Variants in TTBK2 observed in about 807,000 individuals in gnomAD.
TTBK2 encodes the protein tau-tubulin kinase 2.
In TTBK2, 28 loss-of-function variants were observed where a neutral mutation model predicts 110.8. The ratio of observed to expected loss-of-function variants is 0.25; its 90% CI spans 0.19 to 0.35. The LOEUF (loss-of-function observed/expected upper bound fraction) is 0.35, where lower values mean the gene tolerates loss of function less well. Among genes scored for constraint, TTBK2 ranks in the 10% least tolerant of loss-of-function variants. TTBK2 has a pLI of 1.00. For synonymous variants in TTBK2, 532 were observed against 527.3 expected, an observed-to-expected ratio of 1.01 and a Z score of -0.12; for missense variants, 1,369 against 1,500.3, an observed-to-expected ratio of 0.91 and a Z score of 1.45.
chr15:42,784,835 G>C (rs889611468), intron 10 of TTBK2, among the ~76,000 whole-genome samples: 1 of 152,142 alleles, frequency 6.6e-6, no homozygotes, highest in Non-Finnish European at 1.5e-5. Context: ...GAGCTGGCAG[G>C]CTCTGACTGG....
chr15:42,919,088 C>T (rs1162950514), intron 1 of TTBK2, among the ~76,000 whole-genome samples: 1 of 152,120 alleles, frequency 6.6e-6, no homozygotes, highest in East Asian at 1.9e-4. Context: ...CTTCATATGT[C>T]CCCTTCGGTG....
chr15:42,906,188 C>CA (rs556069009), intron 1 of TTBK2, among the ~76,000 whole-genome samples: 1,697 of 139,690 alleles, frequency 0.012, 23 homozygotes, highest in East Asian at 0.061. Context: ...AACTCCATCT[C>CA]AAAAAAAAAA....
chr15:42,774,071 T>C (rs1171978785), intron 13 of TTBK2, among the ~76,000 whole-genome samples: 1 of 152,226 alleles, frequency 6.6e-6, no homozygotes, highest in African/African-American at 2.4e-5. Context: ...GGCAGGCCTT[T>C]ATTTCCCTAT....
intron 3 of TTBK2, among the ~76,000 whole-genome samples, chr15:42,845,366 G>A (rs1893405256): frequency 1.3e-5 from 2 of 151,964 alleles, no homozygotes; most frequent in African/African-American, 4.8e-5. Context: ...TCAAGTCTCT[G>A]ATAAAAAATG....
At chr15:42,782,555 G>T (rs1262511240) in intron 11 of TTBK2, among the ~76,000 whole-genome samples, 1 of 152,160 alleles carries the variant, frequency 6.6e-6, no homozygotes, top group African/African-American at 2.4e-5. Flanking sequence ...CTCCTTAAAG[G>T]TAAAAGATGT....
chr15:42,815,529 T>C (rs574483721), intron 7 of TTBK2, among the ~76,000 whole-genome samples: 15 of 151,970 alleles, frequency 9.9e-5, no homozygotes, highest in Non-Finnish European at 1.9e-4. Context: ...TCCATAAAAA[T>C]GCCCAGTTTT....
intron 4 of TTBK2, among the ~76,000 whole-genome samples, chr15:42,837,255 G>A (rs896087517): frequency 2.5e-4 from 38 of 151,730 alleles, no homozygotes; most frequent in African/African-American, 9.2e-4. Flanking sequence ...CTACACCGGA[G>A]GCTGAGGCAG....
intron 13 of TTBK2, among the ~76,000 whole-genome samples, chr15:42,771,118 G>A (rs1163707917): frequency 1.3e-5 from 2 of 151,934 alleles, no homozygotes; most frequent in East Asian, 1.9e-4. Context: ...GGGATTATAG[G>A]TGCTGCCACC....
At chr15:42,833,699 C>T (rs1892869763) in intron 4 of TTBK2, among the ~76,000 whole-genome samples, 3 of 151,820 alleles carry the variant, frequency 2.0e-5, no homozygotes, top group Admixed American at 2.0e-4. Context: ...ATACTGAGAC[C>T]TCATCACTAC....
At chr15:42,820,479 T>C (rs1207803060) in intron 6 of TTBK2, among the ~76,000 whole-genome samples, 1 of 152,178 alleles carries the variant, frequency 6.6e-6, no homozygotes, top group East Asian at 1.9e-4. Context: ...TTTATCAAAA[T>C]TGTAAATGCA....
chr15:42,757,816 CTTCTG>C lies in TTBK2; in HGVS notation c.1999-4574_1999-4570del, dbSNP rs1318889863. Among the ~76,000 whole-genome samples, 13 of 152,304 alleles carry C rather than the reference CTTCTG, an allele frequency of 8.5e-5. No individual in the cohort carries two copies. The East Asian group carries it at 2.5e-3, about 29-fold the overall frequency. On this transcript the variant is annotated intron_variant, in intron 13 of 14. Transcript: ENST00000267890. ...ATGGCATTAATCAATCATTTCCTTT[CTTCTG>C]TTCTGTAATTGTACCATGTACATCC...
chr15:42,867,451 T>G (rs967756578), intron 3 of TTBK2, among the ~76,000 whole-genome samples: 4 of 152,160 alleles, frequency 2.6e-5, no homozygotes, highest in Admixed American at 1.3e-4. Flanking sequence ...GATAAAAGAC[T>G]GATATCCAAA....
At chr15:42,851,563 T>C (rs550901477) in intron 3 of TTBK2, among the ~76,000 whole-genome samples, 9 of 152,282 alleles carry the variant, frequency 5.9e-5, no homozygotes, top group African/African-American at 1.9e-4. Context: ...CAGAACAGCA[T>C]ATATAGTTTG....
At position 42,828,304 on chromosome 15, in the gene TTBK2, G is replaced by A. The variant is rs190490391; in HGVS notation, c.433-272C>T. ...ACATTAACTAGACTTGGAACTCTAA[G>A]TTCTTGAAATTCTAGTCTAAGTTAA... On this transcript the variant is annotated intron_variant, in intron 5 of 14. Coordinates refer to ENST00000267890, the MANE Select transcript of TTBK2 (RefSeq NM_173500.4). 2.2e-4 allele frequency among the ~76,000 whole-genome samples: 33 copies of A among 150,496 alleles called. No individual in the cohort carries two copies. In the East Asian group the frequency reaches 5.8e-3, roughly 26 times the overall value.
chr15:42,775,462 C>T lies in TTBK2; in HGVS notation c.1671G>A (p.Lys557=), dbSNP rs374669500. The change falls in exon 13 of 15, where the codon AAG becomes AAA. Residue 557 remains lysine, a synonymous_variant. Transcript: ENST00000267890. ...TCCTAAAATCCTGAAGGTCCTGCTC[C>T]TTGTCCACAATCACCCATTCTTTGG... The part of the protein sequence containing the change: ...IDSKEWVIVD[K]EQDLQDFRTN... The T allele has an allele frequency of 3.7e-6, 6 of 1,614,108 alleles. No individual in the cohort carries two copies. The African/African-American group carries it at 8.0e-5, about 22-fold the overall frequency.
In TTBK2 at chr15:42,798,680, T is replaced by C. The variant is rs1447545845; in HGVS notation, c.823-3879A>G. Among the ~76,000 whole-genome samples the C allele has an allele frequency of 6.6e-5, 10 of 152,368 alleles. No individual in the cohort carries two copies. The East Asian group carries it at 1.9e-3, about 29-fold the overall frequency. On this transcript the variant is annotated intron_variant, in intron 9 of 14. Coordinates refer to ENST00000267890, the MANE Select transcript of TTBK2 (RefSeq NM_173500.4). ...ATACAAAGAAATTTTGGACTTATGG[T>C]TGATACTGTAAGGCTATTCCCAGAC...
At chr15:42,816,087 T>TAA (rs1225591142) in intron 7 of TTBK2, among the ~76,000 whole-genome samples, 2,287 of 37,332 alleles carry the variant, frequency 0.061, 67 homozygotes, top group African/African-American at 0.15. Context: ...AATAAATAAA[T>TAA]ATATATATAT....
At chr15:42,793,257 G>A (rs1890776738) in intron 10 of TTBK2, among the ~76,000 whole-genome samples, 2 of 152,166 alleles carry the variant, frequency 1.3e-5, no homozygotes, top group Non-Finnish European at 2.9e-5. Context: ...AAACATCCGT[G>A]GTGATTCTGG....
chr15:42,900,456 T>C (rs1361004076), intron 1 of TTBK2, among the ~76,000 whole-genome samples: 1 of 152,196 alleles, frequency 6.6e-6, no homozygotes, highest in Non-Finnish European at 1.5e-5. Context: ...TGGTGGCTCA[T>C]GCCTTTAATC....
Sources: gnomAD v4.1 joint callset for allele counts (sites outside exome capture counted in the v4.1 genomes callset) on GRCh38, gnomAD v4.1.1 for gene constraint, MANE v1.5 for transcripts, NCBI Gene and HGNC (gene_info 2026-07-23, HGNC 2026-07-21) for gene names.